PLEKHM3: variants seen among roughly 807,000 people sequenced by gnomAD.
The protein encoded by PLEKHM3 is pleckstrin homology domain-containing family M member 3.
Under a neutral mutation model 81.8 loss-of-function variants are expected in PLEKHM3, and 45 were observed. The observed-to-expected ratio is 0.55, with a 90% confidence interval of 0.43 to 0.71. The LOEUF is 0.71. Ranked by LOEUF, PLEKHM3 falls within the 30% of genes least tolerant of loss-of-function variation. The pLI, the probability that PLEKHM3 is intolerant of heterozygous loss-of-function variation, is 0.00. For missense variants in PLEKHM3, 788 were observed against 924.3 expected (o/e 0.85, Z 1.91); for synonymous variants, 352 against 356.4 (o/e 0.99, Z 0.14).
rs989647085 is a variant in PLEKHM3, at chr2:207,827,525, C to G, written c.*794G>C. The G allele has an allele frequency of 6.6e-6, 1 of 152,168 alleles. No homozygotes were observed. Among genetic ancestry groups the G allele is most frequent in the Non-Finnish European group, 1.5e-5 (1 of 68,042 alleles). The allele number at this position is 152,168 out of a possible 1,614,324, so 9.4% of individuals were successfully genotyped here. On this transcript the variant is annotated 3_prime_UTR_variant, in exon 8 of 8. Coordinates refer to ENST00000427836, the MANE Select transcript of PLEKHM3 (RefSeq NM_001080475.3). ...AAAGCCATGTGTACAGCCTGGAAAACACGGTGGAGCGTCACATCATTAGGT... is the reference window on the plus strand; with the variant it reads ...AAAGCCATGTGTACAGCCTGGAAAAGACGGTGGAGCGTCACATCATTAGGT...
chr2:207,922,873 C>G (rs1018720473), intron 5 of PLEKHM3, among the ~76,000 whole-genome samples: 2 of 151,804 alleles, frequency 1.3e-5, no homozygotes, highest in Non-Finnish European at 2.9e-5. Flanking sequence ...CAGATGATCA[C>G]TGCTGGAAGA....
intron 1 of PLEKHM3, among the ~76,000 whole-genome samples, chr2:208,014,515 G>C (rs1364501683): frequency 2.0e-5 from 3 of 152,154 alleles, no homozygotes; most frequent in Non-Finnish European, 4.4e-5. Flanking sequence ...GTGGTGGCAG[G>C]CGCCTGTAAT....
At chr2:208,017,734 C>G (rs1245141254) in intron 1 of PLEKHM3, among the ~76,000 whole-genome samples, 4 of 152,090 alleles carry the variant, frequency 2.6e-5, no homozygotes, top group Non-Finnish European at 4.4e-5. Context: ...TGATTCTGCC[C>G]CAGCTGAAAC....
At chr2:207,907,989 G>T (rs930917491) in intron 6 of PLEKHM3, among the ~76,000 whole-genome samples, 18 of 152,142 alleles carry the variant, frequency 1.2e-4, no homozygotes, top group African/African-American at 4.3e-4. Context: ...GTGTTTTCAA[G>T]ATTTATCCAT....
intron 3 of PLEKHM3, among the ~76,000 whole-genome samples, chr2:207,948,081 CA>C (rs941202373): frequency 1.8e-4 from 27 of 148,030 alleles, no homozygotes; most frequent in Non-Finnish European, 3.4e-4. Context: ...TATTGAGCAG[CA>C]AAAAAAAAAT....
At chr2:207,993,689 A>G (rs1691976235) in intron 2 of PLEKHM3, among the ~76,000 whole-genome samples, 1 of 152,108 alleles carries the variant, frequency 6.6e-6, no homozygotes, top group African/African-American at 2.4e-5. Context: ...GTCACCAGAG[A>G]GTGAAACCGA....
At chr2:207,954,271 C>G (rs923015575) in intron 3 of PLEKHM3, among the ~76,000 whole-genome samples, 1 of 152,032 alleles carries the variant, frequency 6.6e-6, no homozygotes, top group African/African-American at 2.4e-5. Context: ...CAGGAGAATA[C>G]CTTGAGCCCA....
chr2:207,943,167 T>C (rs1690000905), intron 4 of PLEKHM3, among the ~76,000 whole-genome samples: 1 of 152,180 alleles, frequency 6.6e-6, no homozygotes, highest in Non-Finnish European at 1.5e-5. Flanking sequence ...ATTTCAAAAA[T>C]AGCTAGAAGA....
At chr2:207,846,415 C>T (rs2092383481) in intron 7 of PLEKHM3, among the ~76,000 whole-genome samples, 1 of 152,118 alleles carries the variant, frequency 6.6e-6, no homozygotes, top group Non-Finnish European at 1.5e-5. Flanking sequence ...GCTGGGATTA[C>T]AGGCGTGAAC....
Position 207,824,215 on chromosome 2 carries a change from G to C in PLEKHM3, c.*4104C>G, listed in dbSNP as rs1306665627. ...AGGAGGGAGGCTCTTTCAAGGTCTT[G>C]CTCCAACTTCACGTTTTCACATTAT... On this transcript the variant is annotated 3_prime_UTR_variant, in exon 8 of 8. Coordinates refer to ENST00000427836, the MANE Select transcript of PLEKHM3 (RefSeq NM_001080475.3). 3 of 152,210 alleles carry C rather than the reference G, an allele frequency of 2.0e-5. No individual in the cohort carries two copies. Among genetic ancestry groups the C allele is most frequent in the Non-Finnish European group, 4.4e-5 (3 of 68,036 alleles). 9.4% of individuals were successfully genotyped at this position (152,210 alleles called of 1,614,324 possible). A position where few individuals can be genotyped will look rare whatever the true frequency, so the allele number is the denominator to read the frequency against.
intron 4 of PLEKHM3, among the ~76,000 whole-genome samples, chr2:207,940,436 A>G (rs78226058): frequency 0.019 from 2,907 of 152,300 alleles, 97 homozygotes; most frequent in African/African-American, 0.066. Context: ...GTAAGGCATT[A>G]ATATCCTCAT....
chr2:207,849,120 G>A (rs2092399075), intron 7 of PLEKHM3, among the ~76,000 whole-genome samples: 1 of 152,102 alleles, frequency 6.6e-6, no homozygotes, highest in Non-Finnish European at 1.5e-5. Flanking sequence ...GATCACTGGA[G>A]GCCAGGAGTT....
intron 6 of PLEKHM3, among the ~76,000 whole-genome samples, chr2:207,901,934 C>G (rs530808636): frequency 6.6e-6 from 1 of 152,298 alleles, no homozygotes; most frequent in Admixed American, 6.5e-5. Context: ...CAGGCACTTG[C>G]CATGGAACAA....
chr2:207,870,457 A>G (rs1175539461), intron 6 of PLEKHM3, among the ~76,000 whole-genome samples: 4 of 152,232 alleles, frequency 2.6e-5, no homozygotes, highest in African/African-American at 9.6e-5. Context: ...TCTAACCAAA[A>G]GACCCAATTC....
chr2:207,951,002 C>A (rs542607678), intron 3 of PLEKHM3, among the ~76,000 whole-genome samples: 2 of 152,272 alleles, frequency 1.3e-5, no homozygotes, highest in Admixed American at 6.5e-5. Flanking sequence ...GATGTAGATT[C>A]ATTTTCTAAA....
At chr2:207,973,813 T>C (rs1246857730) in intron 3 of PLEKHM3, among the ~76,000 whole-genome samples, 1 of 151,868 alleles carries the variant, frequency 6.6e-6, no homozygotes, top group Non-Finnish European at 1.5e-5. Context: ...AAACCACAAG[T>C]ATCACAAAGC....
chr2:207,915,503 C>T (rs1482314950), intron 5 of PLEKHM3, among the ~76,000 whole-genome samples: 2 of 152,090 alleles, frequency 1.3e-5, no homozygotes, highest in South Asian at 2.1e-4. Context: ...TAGGCAGACC[C>T]TTTGCAAGGT....
chr2:207,902,409 C>T (rs190086978), intron 6 of PLEKHM3, among the ~76,000 whole-genome samples: 43 of 152,260 alleles, frequency 2.8e-4, no homozygotes, highest in East Asian at 2.5e-3. Context: ...TTAAACATTG[C>T]CTTTTCGTGA....
chr2:207,946,657 T>A, intron 3 of PLEKHM3, 145 bp from the exon 4 acceptor site: 1 of 1,100,120 alleles, frequency 9.1e-7, no homozygotes, highest in Non-Finnish European at 1.3e-6. Flanking sequence ...ATAATAGAGT[T>A]GTACAGTTGT....
Sources: gnomAD v4.1 joint callset for allele counts (sites outside exome capture counted in the v4.1 genomes callset) on GRCh38, gnomAD v4.1.1 for gene constraint, MANE v1.5 for transcripts, NCBI Gene and HGNC (gene_info 2026-07-23, HGNC 2026-07-21) for gene names.